RAD51B: variants seen among roughly 807,000 people sequenced by gnomAD.
RAD51B encodes the protein RAD51 paralog B.
Under a neutral mutation model 42.2 loss-of-function variants are expected in RAD51B, and 38 were observed. That is an observed-to-expected ratio of 0.90 (90% CI 0.70 to 1.18). RAD51B has a LOEUF of 1.18. RAD51B is among the 50% of genes most tolerant of loss of function. RAD51B has a pLI of 0.00. For synonymous variants in RAD51B, 154 were observed against 145.2 expected, an observed-to-expected ratio of 1.06 and a Z score of -0.43; for missense variants, 373 against 400.7, an observed-to-expected ratio of 0.93 and a Z score of 0.59.
intron 4 of RAD51B, among the ~76,000 whole-genome samples, chr14:67,846,120 A>G (rs2041602858): frequency 6.6e-6 from 1 of 152,158 alleles, no homozygotes; most frequent in Admixed American, 6.5e-5. Context: ...CACATGTACC[A>G]ACAGCAGCTG....
At chr14:68,393,582 G>A (rs1222833207) in intron 8 of RAD51B, among the ~76,000 whole-genome samples, 1 of 152,182 alleles carries the variant, frequency 6.6e-6, no homozygotes, top group African/African-American at 2.4e-5. Flanking sequence ...GAGCAATTTG[G>A]TTGAAGCAGG....
intron 8 of RAD51B, among the ~76,000 whole-genome samples, chr14:68,324,374 A>G (rs779805021): frequency 1.1e-4 from 16 of 152,168 alleles, no homozygotes; most frequent in Non-Finnish European, 2.1e-4. Context: ...AAAACATTTT[A>G]TAGTAAATTG....
chr14:68,630,954 A>G (rs1008393513), intron 10 of RAD51B, among the ~76,000 whole-genome samples: 4 of 152,130 alleles, frequency 2.6e-5, no homozygotes, highest in Non-Finnish European at 5.9e-5. Context: ...CTATTATTTT[A>G]TAATAATAAG....
At chr14:68,560,811 C>G (rs1351611115) in intron 10 of RAD51B, among the ~76,000 whole-genome samples, 2 of 151,922 alleles carry the variant, frequency 1.3e-5, no homozygotes, top group African/African-American at 4.8e-5. Context: ...CCCAGGATGT[C>G]CCCCTCTCTC....
intron 7 of RAD51B, among the ~76,000 whole-genome samples, chr14:67,918,530 C>T (rs1318691606): frequency 6.6e-6 from 1 of 152,176 alleles, no homozygotes; most frequent in Non-Finnish European, 1.5e-5. Context: ...CCACTGTGCT[C>T]AGCTAAGGGA....
chr14:67,868,032 A>G (rs1249359278), intron 5 of RAD51B, among the ~76,000 whole-genome samples: 2 of 152,228 alleles, frequency 1.3e-5, no homozygotes, highest in Non-Finnish European at 2.9e-5. Context: ...AAATCAAAGG[A>G]GGAATAAATA....
chr14:68,227,895 T>G (rs551703852), intron 7 of RAD51B, among the ~76,000 whole-genome samples: 1 of 152,320 alleles, frequency 6.6e-6, no homozygotes, highest in Non-Finnish European at 1.5e-5. Context: ...TAGAACCATT[T>G]AACAGAGCAT....
In RAD51B at chr14:68,477,671, T is replaced by G. The variant is rs772669925; in HGVS notation, c.*7T>G. ...AGGCCAAGAGAAGCCATAGGGATAC[T>G]GTGACCTTTGTCTAGAGTTGATGGG... On this transcript the variant is annotated 3_prime_UTR_variant, in exon 11 of 11. Coordinates refer to ENST00000471583, the MANE Select transcript of RAD51B (RefSeq NM_133510.4). 1 of 1,612,320 alleles carries G rather than the reference T, an allele frequency of 6.2e-7. No homozygotes were observed. The highest frequency in any genetic ancestry group is 8.5e-7 in the Non-Finnish European group (1 of 1,179,268).
chr14:68,070,438 C>T (rs866097827), intron 7 of RAD51B, among the ~76,000 whole-genome samples: 2 of 152,196 alleles, frequency 1.3e-5, no homozygotes, highest in Middle Eastern at 6.8e-3. Context: ...TTTAATCCAT[C>T]TTGAGTTGAT....
chr14:68,448,706 G>C (rs1445828624), intron 9 of RAD51B, among the ~76,000 whole-genome samples: 1 of 152,138 alleles, frequency 6.6e-6, no homozygotes, highest in Non-Finnish European at 1.5e-5. Context: ...GTGGCACCCA[G>C]CTAGAATTTG....
At chr14:67,936,673 G>T (rs1196832026) in intron 7 of RAD51B, among the ~76,000 whole-genome samples, 1 of 152,142 alleles carries the variant, frequency 6.6e-6, no homozygotes, top group Non-Finnish European at 1.5e-5. Flanking sequence ...GAACTGTGAA[G>T]CCACTTTTCC....
chr14:68,670,029 T>C (rs1349055524), intron 11 of RAD51B, among the ~76,000 whole-genome samples: 2 of 152,020 alleles, frequency 1.3e-5, no homozygotes, highest in Non-Finnish European at 1.5e-5. Flanking sequence ...GAGACCAAAA[T>C]AGATCAGGAG....
chr14:68,516,776 T>C (rs1222101233), intron 10 of RAD51B, among the ~76,000 whole-genome samples: 1 of 152,248 alleles, frequency 6.6e-6, no homozygotes, highest in Admixed American at 6.5e-5. Context: ...ATTGCTTCAC[T>C]AAGTCATGCA....
chr14:68,086,865 G>T (rs148273740), intron 7 of RAD51B, among the ~76,000 whole-genome samples: 6 of 152,130 alleles, frequency 3.9e-5, no homozygotes, highest in Admixed American at 3.9e-4. Context: ...GCCAGGCGCG[G>T]TGGCTCATGA....
chr14:67,922,734 C>T (rs1027907586), intron 7 of RAD51B, among the ~76,000 whole-genome samples: 22 of 149,246 alleles, frequency 1.5e-4, no homozygotes, highest in Non-Finnish European at 2.2e-4. Flanking sequence ...CTCTGTCGCG[C>T]GGCCTGGAGT....
chr14:67,949,365 C>T (rs905736330), intron 7 of RAD51B, among the ~76,000 whole-genome samples: 4 of 152,186 alleles, frequency 2.6e-5, no homozygotes, highest in African/African-American at 4.8e-5. Context: ...CATCATCACC[C>T]GGAATAGTTT....
At chr14:68,336,938 T>TA (rs2139821490) in intron 8 of RAD51B, among the ~76,000 whole-genome samples, 1 of 152,336 alleles carries the variant, frequency 6.6e-6, no homozygotes, top group South Asian at 2.1e-4. Flanking sequence ...TATGGTTGTT[T>TA]AAAAATGTTT....
At chr14:67,869,453 C>T (rs369037001) in intron 5 of RAD51B, among the ~76,000 whole-genome samples, 1 of 152,088 alleles carries the variant, frequency 6.6e-6, no homozygotes, top group South Asian at 2.1e-4. Flanking sequence ...ACCAAATCTA[C>T]GTCTGATTGG....
chr14:68,071,621 A>T lies in RAD51B; in HGVS notation c.756+184417A>T, dbSNP rs189193024. On this transcript the variant is annotated intron_variant, in intron 7 of 10. Coordinates refer to ENST00000471583, the MANE Select transcript of RAD51B (RefSeq NM_133510.4). ...CAGGAATAAAGCCTACTTGATTGTG[A>T]TGGATTAGCTTTTTGAGGGATGTGC... Among the ~76,000 whole-genome samples, 5 of 152,190 alleles carry T rather than the reference A, an allele frequency of 3.3e-5. No homozygotes were observed. In the East Asian group the frequency reaches 9.6e-4, roughly 29 times the overall value.
Sources: gnomAD v4.1 joint callset for allele counts (sites outside exome capture counted in the v4.1 genomes callset) on GRCh38, gnomAD v4.1.1 for gene constraint, MANE v1.5 for transcripts, NCBI Gene and HGNC (gene_info 2026-07-23, HGNC 2026-07-21) for gene names.